Variants in NEGR1 observed in about 807,000 individuals in gnomAD.
The protein encoded by NEGR1 is neuronal growth regulator 1, also known as IgLON family member 4.
A neutral mutation model predicts 40.9 loss-of-function variants in NEGR1; 10 were observed. The ratio of observed to expected loss-of-function variants is 0.24; its 90% CI spans 0.15 to 0.42. NEGR1 has a LOEUF of 0.42. Among genes scored for constraint, NEGR1 ranks in the 10% least tolerant of loss-of-function variants. The pLI, the probability that NEGR1 is intolerant of heterozygous loss-of-function variation, is 1.00. For synonymous variants in NEGR1, 185 were observed against 166.8 expected, an observed-to-expected ratio of 1.11 and a Z score of -0.84; for missense variants, 352 against 438.9, an observed-to-expected ratio of 0.80 and a Z score of 1.77.
rs538144674 is a variant in NEGR1, at chr1:71,572,391, G to C, written c.940+20426C>G. On this transcript the variant is annotated intron_variant, in intron 6 of 6. Coordinates refer to ENST00000357731, the MANE Select transcript of NEGR1 (RefSeq NM_173808.3). Reference sequence around the variant, plus strand: ...ACGTCATTATCATCTGTTTCACAGGGCTTCTATTTCTAAAGTGAGCACAAA... The same window carrying C: ...ACGTCATTATCATCTGTTTCACAGGCCTTCTATTTCTAAAGTGAGCACAAA... 2.6e-5 allele frequency among the ~76,000 whole-genome samples: 4 copies of C among 152,154 alleles called. No homozygotes were observed. The East Asian group carries it at 7.7e-4, about 29-fold the overall frequency.
chr1:71,940,862 G>C lies in NEGR1; in HGVS notation c.177-5551C>G, dbSNP rs554180483. 1.4e-4 allele frequency among the ~76,000 whole-genome samples: 21 copies of C among 152,236 alleles called. No homozygotes were observed. The South Asian group carries it at 1.4e-3, about 11-fold the overall frequency. The stretch of plus-strand genomic sequence containing the variant: ...AAAAAGCCTGTGGCTGCTGAGGAAT[G>C]ATTTTGTCTACTTATATCTCAAATT... On this transcript the variant is annotated intron_variant, in intron 1 of 6. Coordinates refer to ENST00000357731, the MANE Select transcript of NEGR1 (RefSeq NM_173808.3).
At chr1:71,668,249 G>A (rs192772839) in intron 4 of NEGR1, among the ~76,000 whole-genome samples, 2 of 152,236 alleles carry the variant, frequency 1.3e-5, no homozygotes, top group Admixed American at 1.3e-4. Context: ...TTTCTCGTGG[G>A]AGAAGAATGC....
chr1:71,923,608 T>C (rs779062917), intron 2 of NEGR1, among the ~76,000 whole-genome samples: 4 of 152,200 alleles, frequency 2.6e-5, no homozygotes, highest in Non-Finnish European at 4.4e-5. Context: ...GGTAGACATG[T>C]CTCACTCAGC....
At chr1:71,871,254 T>C (rs1343836572) in intron 2 of NEGR1, among the ~76,000 whole-genome samples, 1 of 152,148 alleles carries the variant, frequency 6.6e-6, no homozygotes, top group African/African-American at 2.4e-5. Flanking sequence ...AAGACATAGC[T>C]CTAGGGGTGA....
intron 1 of NEGR1, among the ~76,000 whole-genome samples, chr1:72,138,175 A>T (rs574355971): frequency 6.6e-6 from 1 of 152,288 alleles, no homozygotes; most frequent in South Asian, 2.1e-4. Context: ...TTTTTCTTAT[A>T]CATATGTTAT....
At chr1:71,678,137 T>A (rs1192418447) in intron 4 of NEGR1, among the ~76,000 whole-genome samples, 1 of 152,058 alleles carries the variant, frequency 6.6e-6, no homozygotes, top group Non-Finnish European at 1.5e-5. Flanking sequence ...TCCAAAACAA[T>A]GTATGTAAAC....
chr1:72,080,304 G>T (rs1214901913), intron 1 of NEGR1, among the ~76,000 whole-genome samples: 4 of 151,926 alleles, frequency 2.6e-5, no homozygotes, highest in Non-Finnish European at 5.9e-5. Context: ...AAGCATTTAT[G>T]TACAAGCATC....
chr1:72,179,601 A>C (rs1652292056), intron 1 of NEGR1, among the ~76,000 whole-genome samples: 1 of 152,238 alleles, frequency 6.6e-6, no homozygotes, highest in South Asian at 2.1e-4. Context: ...TGTTTTGCAA[A>C]GGAAAGTTTA....
chr1:72,013,611 GTAAA>G (rs879261295), intron 1 of NEGR1, among the ~76,000 whole-genome samples: 14 of 151,804 alleles, frequency 9.2e-5, no homozygotes, highest in Non-Finnish European at 1.3e-4. Context: ...TAAATCAACT[GTAAA>G]TAAATAAACC....
At chr1:71,541,890 T>C (rs1376524801) in intron 6 of NEGR1, among the ~76,000 whole-genome samples, 1 of 151,824 alleles carries the variant, frequency 6.6e-6, no homozygotes, top group African/African-American at 2.4e-5. Flanking sequence ...ATTGCCACAC[T>C]GACAAATCAG....
At chr1:71,804,623 G>A (rs1264546717) in intron 2 of NEGR1, among the ~76,000 whole-genome samples, 1 of 152,136 alleles carries the variant, frequency 6.6e-6, no homozygotes, top group Non-Finnish European at 1.5e-5. Context: ...AAGATTTCAT[G>A]GACACTTATC....
At chr1:72,166,567 G>A (rs75534659) in intron 1 of NEGR1, among the ~76,000 whole-genome samples, 1,973 of 152,184 alleles carry the variant, frequency 0.013, 44 homozygotes, top group African/African-American at 0.046. Context: ...AGAAAATGTG[G>A]TAATATGCAC....
Position 71,407,451 on chromosome 1 carries a change from G to T in NEGR1, c.1060C>A (p.Gln354Lys). The T allele has an allele frequency of 6.2e-7, 1 of 1,611,826 alleles. No individual in the cohort carries two copies. Among genetic ancestry groups the T allele is most frequent in the South Asian group, 1.1e-5 (1 of 90,946 alleles). ...SIFYLKNAILQ is the reference protein window; with the variant it reads ...SIFYLKNAILK ...CCTTTTATGGGTCTTTGAATTTATT[G>T]TAGAATGGCATTCTTCAGGTAGAAT... The change falls in exon 7 of 7, where the codon CAA becomes AAA. Residue 354 changes from glutamine to lysine, a missense_variant. Transcript: ENST00000357731.
intron 1 of NEGR1, among the ~76,000 whole-genome samples, chr1:72,014,359 G>A (rs530199326): frequency 6.6e-6 from 1 of 151,974 alleles, no homozygotes; most frequent in East Asian, 1.9e-4. Context: ...ATTGAATCTA[G>A]GACTGTTGAA....
At chr1:72,178,652 T>C (rs1388257328) in intron 1 of NEGR1, among the ~76,000 whole-genome samples, 1 of 151,892 alleles carries the variant, frequency 6.6e-6, no homozygotes, top group African/African-American at 2.4e-5. Context: ...ACCAGCAGTG[T>C]ATAAGCGTTC....
chr1:71,910,043 A>C (rs1557428951), intron 2 of NEGR1, among the ~76,000 whole-genome samples: 1 of 152,226 alleles, frequency 6.6e-6, no homozygotes, highest in African/African-American at 2.4e-5. Context: ...AAGACAGTAC[A>C]TCTTTTTGTG....
At chr1:71,767,429 A>G (rs1436016177) in intron 3 of NEGR1, among the ~76,000 whole-genome samples, 1 of 152,178 alleles carries the variant, frequency 6.6e-6, no homozygotes. Context: ...ATGATGATTT[A>G]GGGTATTTGG....
Position 71,811,183 on chromosome 1 carries a change from C to A in NEGR1, c.410-34886G>T, listed in dbSNP as rs111238422. ...CCTAAATCCTTCGGGGAACTGTAACCATCTCCATGACGAAATATTAAAAGC... is the reference window on the plus strand; with the variant it reads ...CCTAAATCCTTCGGGGAACTGTAACAATCTCCATGACGAAATATTAAAAGC... On this transcript the variant is annotated intron_variant, in intron 2 of 6. Coordinates refer to ENST00000357731, the MANE Select transcript of NEGR1 (RefSeq NM_173808.3). Among the ~76,000 whole-genome samples the A allele has an allele frequency of 4.9e-4, 75 of 152,200 alleles. 1 individual carries two copies. The highest frequency in any genetic ancestry group is 1.8e-3 in the African/African-American group (74 of 41,552).
chr1:71,547,439 C>G (rs1053080243), intron 6 of NEGR1, among the ~76,000 whole-genome samples: 33 of 151,704 alleles, frequency 2.2e-4, no homozygotes, highest in African/African-American at 7.7e-4. Context: ...ACAGTCTATT[C>G]TTGTGTCTTC....
Sources: allele counts gnomAD v4.1 joint callset (sites outside exome capture counted in the v4.1 genomes callset), GRCh38; gene constraint gnomAD v4.1.1; transcripts MANE v1.5; gene names NCBI Gene and HGNC (gene_info 2026-07-23, HGNC 2026-07-21).